C8A: variants seen among roughly 807,000 people sequenced by gnomAD.
The protein encoded by C8A is complement component C8 alpha chain.
In C8A, 67 loss-of-function variants were observed where a neutral mutation model predicts 65.3. The observed-to-expected ratio is 1.03, with a 90% confidence interval of 0.84 to 1.26. The LOEUF is 1.26. Ranked by LOEUF, C8A falls within the 50% of genes most tolerant of loss-of-function variation. The probability of loss-of-function intolerance (pLI) is 0.00; values close to 1 mark genes in which losing one functional copy is unlikely to be tolerated. For synonymous variants in C8A, 290 were observed against 259.4 expected, an observed-to-expected ratio of 1.12 and a Z score of -1.13; for missense variants, 781 against 723.9, an observed-to-expected ratio of 1.08 and a Z score of -0.90.
intron 6 of C8A, among the ~76,000 whole-genome samples, chr1:56,885,294 A>T (rs1238716532): frequency 2.3e-5 from 3 of 132,822 alleles, no homozygotes; most frequent in African/African-American, 6.4e-5. Context: ...ACATAAATAT[A>T]TATTTATATA....
At chr1:56,917,040 T>C (rs1345878007) in intron 10 of C8A, among the ~76,000 whole-genome samples, 1 of 150,398 alleles carries the variant, frequency 6.6e-6, no homozygotes, top group African/African-American at 2.4e-5. Context: ...CACCCTCCAT[T>C]GACTCTGTGT....
chr1:56,885,872 G>A, intron 6 of C8A, 55 bp from the exon 7 acceptor site: 1 of 1,611,856 alleles, frequency 6.2e-7, no homozygotes, highest in East Asian at 2.2e-5. Context: ...ATTTCTAATG[G>A]TAAAATATAT....
At chr1:56,881,324 T>C (rs1644245403) in intron 4 of C8A, 121 bp from the exon 5 acceptor site, 1 of 958,272 alleles carries the variant, frequency 1.0e-6, no homozygotes, top group Non-Finnish European at 1.7e-6. Context: ...ATGCGCAGGA[T>C]GTGCAGGTTT....
chr1:56,909,767 C>T (rs1445486638), intron 9 of C8A, among the ~76,000 whole-genome samples: 2 of 152,294 alleles, frequency 1.3e-5, no homozygotes, highest in Admixed American at 6.5e-5. Context: ...CCTCACTGAG[C>T]CTCAGTTTCC....
chr1:56,878,950 G>A (rs925497793), intron 4 of C8A, among the ~76,000 whole-genome samples: 1 of 152,174 alleles, frequency 6.6e-6, no homozygotes, highest in Non-Finnish European at 1.5e-5. Flanking sequence ...ATACTTAATA[G>A]TAGAGTTTTA....
At chr1:56,879,558 C>T (rs895091598) in intron 4 of C8A, among the ~76,000 whole-genome samples, 3 of 152,096 alleles carry the variant, frequency 2.0e-5, no homozygotes, top group Non-Finnish European at 4.4e-5. Context: ...AAGATAGAAA[C>T]TTCAGGGAAA....
At chr1:56,884,088 T>G (rs989250668) in intron 6 of C8A, among the ~76,000 whole-genome samples, 2 of 151,484 alleles carry the variant, frequency 1.3e-5, no homozygotes. Flanking sequence ...AAAAAAAAAT[T>G]TCATTTTTCC....
At chr1:56,903,935 C>T (rs905169647) in intron 7 of C8A, among the ~76,000 whole-genome samples, 1 of 152,150 alleles carries the variant, frequency 6.6e-6, no homozygotes, top group Admixed American at 6.5e-5. Context: ...AGTTCAAAAG[C>T]CCCAAATAAA....
Position 56,908,008 on chromosome 1 carries a change from TG to T in C8A, c.1277del (p.Gly426AlafsTer25). Reference sequence around the variant, plus strand: ...AAGACATTATTTCTCGGGTGCGAGGTGGCAGTTCTGGCTGGAGCGGTGGCTT... The same window carrying T: ...AAGACATTATTTCTCGGGTGCGAGGTGCAGTTCTGGCTGGAGCGGTGGCTT... ...VEDIISRVRGGSSGWSGGLAQ... is the reference protein window; with the variant it reads ...VEDIISRVRGXSSGWSGGLAQ... On this transcript the variant is annotated frameshift_variant, in exon 9 of 11. Coordinates refer to ENST00000361249, the MANE Select transcript of C8A (RefSeq NM_000562.3). LOFTEE classifies it high-confidence loss of function. The T allele has an allele frequency of 6.2e-7, 1 of 1,614,114 alleles. No homozygotes were observed. The highest frequency in any genetic ancestry group is 8.5e-7 in the Non-Finnish European group (1 of 1,180,006).
intron 7 of C8A, among the ~76,000 whole-genome samples, chr1:56,893,047 C>T (rs1644360309): frequency 6.6e-6 from 1 of 151,948 alleles, no homozygotes; most frequent in South Asian, 2.1e-4. Flanking sequence ...GACAGTAGGC[C>T]CCATCAAAGA....
intron 10 of C8A, among the ~76,000 whole-genome samples, chr1:56,913,742 G>A (rs1644528836): frequency 6.6e-6 from 1 of 152,214 alleles, no homozygotes; most frequent in African/African-American, 2.4e-5. Context: ...CTATTGCAAT[G>A]AAGAAAACAC....
chr1:56,882,727 C>T lies in C8A; in HGVS notation c.655-754C>T, dbSNP rs74075635. Among the ~76,000 whole-genome samples, 729 of 152,254 alleles carry T rather than the reference C, an allele frequency of 4.8e-3. 5 individuals carry two copies. The highest frequency in any genetic ancestry group is 0.017 in the African/African-American group (706 of 41,562). ...ACATAAACAACACCATGTTCCTAAT[C>T]TCAAGGAAGGTCTTGGGGCTCTGTA... is the stretch of plus-strand genomic sequence containing the variant. On this transcript the variant is annotated intron_variant, in intron 5 of 10. Coordinates refer to ENST00000361249, the MANE Select transcript of C8A (RefSeq NM_000562.3).
At chr1:56,883,449 A>G in intron 5 of C8A, 32 bp from the exon 6 acceptor site, 1 of 1,574,506 alleles carries the variant, frequency 6.4e-7, no homozygotes, top group Non-Finnish European at 8.7e-7. Context: ...CTCTATGTGC[A>G]CAAAGCTAAT....
intron 9 of C8A, among the ~76,000 whole-genome samples, chr1:56,910,261 T>G (rs1187933812): frequency 1.3e-5 from 2 of 152,238 alleles, no homozygotes; most frequent in South Asian, 2.1e-4. Flanking sequence ...TTTTGTTATG[T>G]TGTGTTGTGT....
intron 1 of C8A, among the ~76,000 whole-genome samples, chr1:56,858,533 C>A (rs758477891): frequency 1.3e-5 from 2 of 152,122 alleles, no homozygotes; most frequent in Admixed American, 6.6e-5. Flanking sequence ...GCTAAGTAGG[C>A]CTATAGGCAG....
At chr1:56,862,759 T>G (rs984469190) in intron 1 of C8A, among the ~76,000 whole-genome samples, 1 of 152,210 alleles carries the variant, frequency 6.6e-6, no homozygotes, top group Non-Finnish European at 1.5e-5. Flanking sequence ...AATGTCTTAC[T>G]GATTGAGTAG....
chr1:56,908,503 A>G (rs1644484055), intron 9 of C8A, among the ~76,000 whole-genome samples: 1 of 152,242 alleles, frequency 6.6e-6, no homozygotes, highest in South Asian at 2.1e-4. Context: ...GCTTTGTGGG[A>G]CACATACAAT....
chr1:56,870,831 A>T (rs1315517328), intron 2 of C8A, among the ~76,000 whole-genome samples: 1 of 152,192 alleles, frequency 6.6e-6, no homozygotes, highest in Non-Finnish European at 1.5e-5. Context: ...TAGGTGAAAG[A>T]CCACCCTAGT....
chr1:56,909,881 A>G (rs1570353374), intron 9 of C8A, among the ~76,000 whole-genome samples: 1 of 152,326 alleles, frequency 6.6e-6, no homozygotes, highest in Admixed American at 6.5e-5. Context: ...GAAATTGGCA[A>G]ATGATAGAGT....
Sources: gnomAD v4.1 joint callset for allele counts (sites outside exome capture counted in the v4.1 genomes callset) on GRCh38, gnomAD v4.1.1 for gene constraint, MANE v1.5 for transcripts, NCBI Gene and HGNC (gene_info 2026-07-23, HGNC 2026-07-21) for gene names.